The following SGK1 variants were observed in gnomAD, a reference collection of about 807,000 sequenced individuals.
SGK1 encodes serine/threonine-protein kinase Sgk1.
SGK1 carries 26 observed loss-of-function variants against 64.2 expected under a neutral mutation model. The ratio of observed to expected loss-of-function variants is 0.40; its 90% CI spans 0.30 to 0.56. The LOEUF (loss-of-function observed/expected upper bound fraction) is 0.56. SGK1 is among the 20% of genes least tolerant of loss of function. SGK1 has a pLI of 0.38. For missense variants in SGK1, 519 were observed against 645.6 expected, an observed-to-expected ratio of 0.80 and a Z score of 2.12; for synonymous variants, 265 against 239.7, an observed-to-expected ratio of 1.11 and a Z score of -0.98.
At chr6:134,175,694 G>T in intron 3 of SGK1, 1 of 1,451,094 alleles carries the variant, frequency 6.9e-7, no homozygotes, top group South Asian at 1.3e-5. Flanking sequence ...CGGCAGACGA[G>T]AGCGACCGGC....
In SGK1 at chr6:134,224,290, G is replaced by A. The variant is rs142528695; in HGVS notation, c.286-16859C>T. Among the ~76,000 whole-genome samples the A allele has an allele frequency of 1.6e-3, 251 of 152,264 alleles. 2 individuals carry two copies. The highest frequency in any genetic ancestry group is 5.8e-3 in the African/African-American group (243 of 41,550). On this transcript the variant is annotated intron_variant, in intron 2 of 13. Transcript: ENST00000367858. ...CATCTCTTTGGTATTCAGTGGGCAG[G>A]TCATTAGGACTATGAAGAAATAAGT...
chr6:134,206,358 T>C lies in SGK1; in HGVS notation c.361+998A>G, dbSNP rs1423646856. On this transcript the variant is annotated intron_variant, in intron 3 of 13. Coordinates refer to ENST00000367858, the MANE Select transcript of SGK1 (RefSeq NM_001143676.3). Reference sequence around the variant, plus strand: ...CTGATGATATATATATATATATATATATATATATATATATATATATATATA... The same window carrying C: ...CTGATGATATATATATATATATATACATATATATATATATATATATATATA... 7.8e-3 allele frequency among the ~76,000 whole-genome samples: 64 copies of C among 8,216 alleles called. 4 individuals carry two copies. Among genetic ancestry groups the C allele is most frequent in the African/African-American group, 0.021 (63 of 2,976 alleles). The allele number at this position is 8,216 out of a possible 152,430, so 5.4% of individuals were successfully genotyped here. A position where few individuals can be genotyped will look rare whatever the true frequency, so the allele number is the denominator to read the frequency against.
intron 2 of SGK1, among the ~76,000 whole-genome samples, chr6:134,245,681 C>T (rs942189628): frequency 1.3e-5 from 2 of 152,090 alleles, no homozygotes; most frequent in Non-Finnish European, 2.9e-5. Context: ...TAGCGTAGAC[C>T]TTGTCTCTAC....
At chr6:134,270,782 A>G (rs62425193) in intron 1 of SGK1, among the ~76,000 whole-genome samples, 6 of 147,872 alleles carry the variant, frequency 4.1e-5, no homozygotes, top group Non-Finnish European at 7.5e-5. Context: ...ACCCTATTTA[A>G]TGTTGCTGCT....
intron 1 of SGK1, among the ~76,000 whole-genome samples, chr6:134,289,906 T>C (rs568298435): frequency 2.3e-4 from 35 of 152,152 alleles, no homozygotes; most frequent in Admixed American, 7.9e-4. Flanking sequence ...CCCAGCACTT[T>C]GGGAGGCTGA....
At chr6:134,211,876 G>GGA (rs1775894832) in intron 2 of SGK1, among the ~76,000 whole-genome samples, 1 of 79,194 alleles carries the variant, frequency 1.3e-5, no homozygotes, top group Non-Finnish European at 2.3e-5. Context: ...CCGTCTACAA[G>GGA]GAAAAAAAAA....
chr6:134,290,238 T>A (rs964717858), intron 1 of SGK1, among the ~76,000 whole-genome samples: 1 of 150,870 alleles, frequency 6.6e-6, no homozygotes, highest in Non-Finnish European at 1.5e-5. Flanking sequence ...GTGGGAGGAT[T>A]GTTTGAGCGC....
intron 1 of SGK1, among the ~76,000 whole-genome samples, chr6:134,275,913 G>A (rs1429701423): frequency 6.6e-6 from 1 of 152,124 alleles, no homozygotes; most frequent in Non-Finnish European, 1.5e-5. Context: ...ATCCATTTGG[G>A]TATTCATTTG....
At chr6:134,243,617 C>T (rs1263198126) in intron 2 of SGK1, among the ~76,000 whole-genome samples, 1 of 152,166 alleles carries the variant, frequency 6.6e-6, no homozygotes. Flanking sequence ...GATCTGCTTG[C>T]CTTGGCCTCC....
chr6:134,259,774 G>C (rs1250908577), intron 2 of SGK1: 1 of 152,144 alleles, frequency 6.6e-6, no homozygotes, highest in Non-Finnish European at 1.5e-5. Context: ...CTTGCATCAG[G>C]AGCGATAAAT....
At chr6:134,214,173 G>A (rs1217921808) in intron 2 of SGK1, among the ~76,000 whole-genome samples, 2 of 151,210 alleles carry the variant, frequency 1.3e-5, no homozygotes, top group African/African-American at 4.9e-5. Flanking sequence ...CTCCCACCTC[G>A]GCCTCCTAAA....
In SGK1 at chr6:134,241,871, C is replaced by T. The variant is rs1382137358; in HGVS notation, c.285+20062G>A. On this transcript the variant is annotated intron_variant, in intron 2 of 13. Coordinates refer to ENST00000367858, the MANE Select transcript of SGK1 (RefSeq NM_001143676.3). ...TCCTGACCTCGTGATCCGCCCACCT[C>T]GGCCTCCCAAAGTGCTGGGATTACA... Among the ~76,000 whole-genome samples, 13 of 151,850 alleles carry T rather than the reference C, an allele frequency of 8.6e-5. No homozygotes were observed. In the East Asian group the frequency reaches 2.0e-3, roughly 23 times the overall value.
chr6:134,306,911 A>AAG (rs1777542884), intron 1 of SGK1, among the ~76,000 whole-genome samples: 1 of 106,922 alleles, frequency 9.4e-6, no homozygotes, highest in Non-Finnish European at 1.9e-5. Flanking sequence ...AAGAAATAAA[A>AAG]GGGGGGGGGG....
chr6:134,226,551 A>C (rs1366525233), intron 2 of SGK1, among the ~76,000 whole-genome samples: 2 of 151,788 alleles, frequency 1.3e-5, no homozygotes, highest in African/African-American at 4.8e-5. Context: ...ATAGTTAGCT[A>C]GGTGTGGTGG....
Position 134,191,867 on chromosome 6 carries a change from G to T in SGK1, c.361+15489C>A, listed in dbSNP as rs562403842. 1.4e-3 allele frequency among the ~76,000 whole-genome samples: 133 copies of T among 94,150 alleles called. No individual in the cohort carries two copies. The Middle Eastern group carries it at 0.027, about 19-fold the overall frequency. The allele number at this position is 94,150 out of a possible 152,430, so 61.8% of individuals were successfully genotyped here. On this transcript the variant is annotated intron_variant, in intron 3 of 13. Transcript: ENST00000367858. ...TTTTTTTTTTTTGAGACAGAGTCTC[G>T]CTCTGTCACCAGGCTGCAGTGCAGT...
intron 1 of SGK1, among the ~76,000 whole-genome samples, chr6:134,313,318 A>T (rs781623941): frequency 6.6e-6 from 1 of 152,170 alleles, no homozygotes; most frequent in Non-Finnish European, 1.5e-5. Context: ...CAGCCAGGGC[A>T]ACATAGTGAG....
Position 134,172,184 on chromosome 6 carries a change from A to C in SGK1, c.1071+9T>G. The C allele has an allele frequency of 6.2e-7, 1 of 1,613,380 alleles. No individual in the cohort carries two copies. The highest frequency in any genetic ancestry group is 1.3e-5 in the African/African-American group (1 of 75,022). On this transcript the variant is annotated intron_variant, in intron 10 of 13. Coordinates refer to ENST00000367858, the MANE Select transcript of SGK1 (RefSeq NM_001143676.3). ...GGTAAACCAGGCACCAAACCAAGAC[A>C]GCGCCTACCTCCGGCGTGCCACAGA...
chr6:134,192,839 G>C (rs1051704535), intron 3 of SGK1, among the ~76,000 whole-genome samples: 1 of 152,122 alleles, frequency 6.6e-6, no homozygotes, highest in Non-Finnish European at 1.5e-5. Flanking sequence ...GATTACAGGC[G>C]GGAGCCACTG....
intron 2 of SGK1, among the ~76,000 whole-genome samples, chr6:134,210,121 A>G (rs1342232281): frequency 6.6e-6 from 1 of 152,234 alleles, no homozygotes. Context: ...TGTTCATTAC[A>G]ACTTTATTCA....
Sources: gnomAD v4.1 joint callset for allele counts (sites outside exome capture counted in the v4.1 genomes callset) on GRCh38, gnomAD v4.1.1 for gene constraint, MANE v1.5 for transcripts, NCBI Gene and HGNC (gene_info 2026-07-23, HGNC 2026-07-21) for gene names.